ULK4: variants seen among roughly 807,000 people sequenced by gnomAD.
ULK4 encodes the protein unc-51 like kinase 4.
ULK4 carries 133 observed loss-of-function variants against 160.6 expected under a neutral mutation model. That is an observed-to-expected ratio of 0.83 (90% CI 0.72 to 0.96). The LOEUF (loss-of-function observed/expected upper bound fraction) is 0.96. ULK4 is among the 40% of genes least tolerant of loss of function. ULK4 has a pLI of 0.00. For missense variants in ULK4, 1,580 were observed against 1,499.5 expected (o/e 1.05, Z -0.89); for synonymous variants, 534 against 539.8 (o/e 0.99, Z 0.15).
At chr3:41,857,050 C>A (rs1395185587) in intron 17 of ULK4, among the ~76,000 whole-genome samples, 1 of 152,114 alleles carries the variant, frequency 6.6e-6, no homozygotes, top group Non-Finnish European at 1.5e-5. Context: ...GGGCTTTGTG[C>A]AAGAGGGTTT....
chr3:41,351,508 G>C (rs895428951), intron 35 of ULK4, among the ~76,000 whole-genome samples: 2 of 152,190 alleles, frequency 1.3e-5, no homozygotes, highest in African/African-American at 4.8e-5. Context: ...CTGAAAATTA[G>C]AACCTCCAGG....
chr3:41,447,048 C>T (rs2083312557), intron 34 of ULK4, among the ~76,000 whole-genome samples: 2 of 128,332 alleles, frequency 1.6e-5, no homozygotes, highest in Non-Finnish European at 3.1e-5. Flanking sequence ...GGCACCACTG[C>T]ACTCCAGCCC....
At chr3:41,931,706 G>C (rs1699610682) in intron 5 of ULK4, 138 bp downstream of exon 5, 1 of 1,075,038 alleles carries the variant, frequency 9.3e-7, no homozygotes, top group Non-Finnish European at 1.4e-6. Context: ...CCTATGCCCA[G>C]ACTATGTCTG....
chr3:41,853,121 G>A (rs189294432), intron 17 of ULK4, among the ~76,000 whole-genome samples: 78 of 152,186 alleles, frequency 5.1e-4, no homozygotes, highest in African/African-American at 1.8e-3. Context: ...AAATTTTAGG[G>A]TGCATCAGAA....
At chr3:41,914,461 T>C (rs557102441) in intron 8 of ULK4, among the ~76,000 whole-genome samples, 4 of 152,340 alleles carry the variant, frequency 2.6e-5, no homozygotes, top group East Asian at 1.9e-4. Context: ...TTCTAACATA[T>C]TGTTGCTGGG....
intron 35 of ULK4, among the ~76,000 whole-genome samples, chr3:41,330,571 G>A (rs753258262): frequency 6.6e-6 from 1 of 152,234 alleles, no homozygotes; most frequent in Non-Finnish European, 1.5e-5. Flanking sequence ...CCCTGGTGAG[G>A]GGTGACTGGT....
intron 22 of ULK4, among the ~76,000 whole-genome samples, chr3:41,729,644 C>G (rs939401263): frequency 1.3e-5 from 2 of 152,218 alleles, no homozygotes; most frequent in Admixed American, 1.3e-4. Flanking sequence ...GCATGAGAGA[C>G]AGCTTGTTAC....
intron 31 of ULK4, 103 bp from the exon 32 acceptor site, chr3:41,566,233 G>C: frequency 1.1e-6 from 1 of 930,044 alleles, no homozygotes; most frequent in South Asian, 1.6e-5. Flanking sequence ...CTTTGCACAA[G>C]GTTAAATGAT....
chr3:41,429,970 G>A (rs62259306), intron 34 of ULK4, among the ~76,000 whole-genome samples: 4,213 of 152,144 alleles, frequency 0.028, 70 homozygotes, highest in Middle Eastern at 0.051. Context: ...TAAAATTGCT[G>A]TTTACTGAAT....
At chr3:41,432,892 A>T (rs1340539468) in intron 34 of ULK4, among the ~76,000 whole-genome samples, 1 of 150,956 alleles carries the variant, frequency 6.6e-6, no homozygotes, top group Non-Finnish European at 1.5e-5. Flanking sequence ...TAAACGTTTA[A>T]AAAAAAAAAC....
At chr3:41,897,627 C>T (rs1698207883) in intron 14 of ULK4, among the ~76,000 whole-genome samples, 1 of 152,082 alleles carries the variant, frequency 6.6e-6, no homozygotes, top group African/African-American at 2.4e-5. Context: ...GGTGATAATT[C>T]TCTAGGTTTG....
intron 35 of ULK4, among the ~76,000 whole-genome samples, chr3:41,284,804 C>T (rs2079427223): frequency 6.6e-6 from 1 of 151,944 alleles, no homozygotes; most frequent in Admixed American, 6.6e-5. Context: ...GCAGAGTAAA[C>T]AGAAAATTCA....
chr3:41,487,310 T>C (rs538344316), intron 32 of ULK4, among the ~76,000 whole-genome samples: 3 of 152,248 alleles, frequency 2.0e-5, no homozygotes, highest in Admixed American at 6.5e-5. Flanking sequence ...CAAAATCTTA[T>C]TGGGATTTTT....
intron 6 of ULK4, 52 bp from the exon 7 acceptor site, chr3:41,918,592 ATTCT>A (rs1425762484): frequency 2.5e-5 from 16 of 637,352 alleles, no homozygotes; most frequent in Non-Finnish European, 3.3e-5. Context: ...ATCACCAATA[ATTCT>A]TTTTTTTTTT....
At chr3:41,268,123 T>C (rs953071222) in intron 35 of ULK4, among the ~76,000 whole-genome samples, 2 of 152,114 alleles carry the variant, frequency 1.3e-5, no homozygotes, top group African/African-American at 4.8e-5. Flanking sequence ...GAGCCAGAAA[T>C]GCTGCTATAC....
intron 5 of ULK4, among the ~76,000 whole-genome samples, chr3:41,928,368 T>G (rs1426669439): frequency 6.6e-6 from 1 of 152,134 alleles, no homozygotes; most frequent in African/African-American, 2.4e-5. Context: ...GAGGGAAATT[T>G]ACAGCACTAA....
At chr3:41,639,226 A>G (rs762039795) in intron 30 of ULK4, among the ~76,000 whole-genome samples, 37 of 152,218 alleles carry the variant, frequency 2.4e-4, no homozygotes, top group Non-Finnish European at 5.0e-4. Context: ...CAATAACCAC[A>G]TAAACACAAA....
chr3:41,795,327 C>T (rs1244149256), intron 20 of ULK4, among the ~76,000 whole-genome samples: 1 of 152,178 alleles, frequency 6.6e-6, no homozygotes, highest in African/African-American at 2.4e-5. Flanking sequence ...TGTTCCCCCA[C>T]CTGCCTTTTG....
In ULK4 at chr3:41,763,633, G is replaced by C. The variant is rs188202014; in HGVS notation, c.2194-9145C>G. Among the ~76,000 whole-genome samples the C allele has an allele frequency of 1.4e-4, 22 of 152,260 alleles. No individual in the cohort carries two copies. In the East Asian group the frequency reaches 4.2e-3, roughly 29 times the overall value. The stretch of plus-strand genomic sequence containing the variant: ...TGGACATTTGGGTTGTTTAGAGTTT[G>C]GGTCTACTATGAGCAAAGCTGCTAT... On this transcript the variant is annotated intron_variant, in intron 21 of 36. Transcript: ENST00000301831.
Sources: allele counts gnomAD v4.1 joint callset (sites outside exome capture counted in the v4.1 genomes callset), GRCh38; gene constraint gnomAD v4.1.1; transcripts MANE v1.5; gene names NCBI Gene and HGNC (gene_info 2026-07-23, HGNC 2026-07-21).